DTNB: variants seen among roughly 807,000 people sequenced by gnomAD.
DTNB encodes DTN-B.
In DTNB, 63 loss-of-function variants were observed where a neutral mutation model predicts 90.7. The observed-to-expected ratio is 0.69, with a 90% confidence interval of 0.57 to 0.86. The LOEUF (loss-of-function observed/expected upper bound fraction) is 0.86. DTNB is among the 40% of genes least tolerant of loss of function. DTNB has a pLI of 0.00. For missense variants in DTNB, 744 were observed against 807.1 expected, an observed-to-expected ratio of 0.92 and a Z score of 0.95; for synonymous variants, 277 against 286.7, an observed-to-expected ratio of 0.97 and a Z score of 0.34.
intron 9 of DTNB, among the ~76,000 whole-genome samples, chr2:25,511,442 C>T (rs894006882): frequency 5.3e-5 from 8 of 152,044 alleles, no homozygotes; most frequent in South Asian, 2.1e-4. Context: ...AACGATACTC[C>T]TATATCAGCC....
chr2:25,515,407 T>C (rs1194496495), intron 9 of DTNB, among the ~76,000 whole-genome samples: 1 of 152,128 alleles, frequency 6.6e-6, no homozygotes, highest in Non-Finnish European at 1.5e-5. Context: ...ACCAAGATCA[T>C]ATGGTACAGC....
rs2058547583 is a variant in DTNB, at chr2:25,563,412, C to G, written c.876+13426G>C. Among the ~76,000 whole-genome samples the G allele has an allele frequency of 2.6e-5, 4 of 152,136 alleles. No individual in the cohort carries two copies. The South Asian group carries it at 8.3e-4, about 32-fold the overall frequency. On this transcript the variant is annotated intron_variant, in intron 8 of 20. Coordinates refer to ENST00000406818, the MANE Select transcript of DTNB (RefSeq NM_021907.5). Reference sequence around the variant, plus strand: ...TTCTACTCAGTGGGTTATCTTTTTACTTTCTTGATGGCACCCTTTGAAGCA... The same window carrying G: ...TTCTACTCAGTGGGTTATCTTTTTAGTTTCTTGATGGCACCCTTTGAAGCA...
chr2:25,556,373 A>G (rs185934720), intron 8 of DTNB, among the ~76,000 whole-genome samples: 1 of 152,258 alleles, frequency 6.6e-6, no homozygotes, highest in East Asian at 1.9e-4. Context: ...AGAATCTTCA[A>G]GAGTTCTCCT....
At chr2:25,452,368 T>C (rs976391660) in intron 11 of DTNB, among the ~76,000 whole-genome samples, 2 of 152,206 alleles carry the variant, frequency 1.3e-5, no homozygotes, top group Non-Finnish European at 2.9e-5. Context: ...GATTCTGAAA[T>C]ACATGACTTC....
intron 9 of DTNB, among the ~76,000 whole-genome samples, chr2:25,523,707 C>T (rs187571338): frequency 6.6e-6 from 1 of 150,672 alleles, no homozygotes; most frequent in African/African-American, 2.4e-5. Flanking sequence ...GCACTCTGAA[C>T]ATTTCTTAAT....
At chr2:25,619,308 CG>C (rs768977066) in intron 4 of DTNB, among the ~76,000 whole-genome samples, 184 of 152,262 alleles carry the variant, frequency 1.2e-3, no homozygotes, top group Middle Eastern at 3.4e-3. Context: ...TGTAGCTAAA[CG>C]TAATAAGAGC....
chr2:25,440,770 AC>A (rs1233238256), intron 12 of DTNB, among the ~76,000 whole-genome samples: 2 of 152,224 alleles, frequency 1.3e-5, no homozygotes, highest in Non-Finnish European at 2.9e-5. Flanking sequence ...GATTTTTGAC[AC>A]ATTTGCTTCA....
intron 8 of DTNB, among the ~76,000 whole-genome samples, chr2:25,571,740 T>A (rs1343287850): frequency 1.3e-5 from 2 of 152,174 alleles, no homozygotes; most frequent in Non-Finnish European, 2.9e-5. Flanking sequence ...CCCAGCCTCC[T>A]CCATCTGAGG....
intron 15 of DTNB, chr2:25,426,777 A>G (rs1290133757): frequency 6.6e-6 from 1 of 152,146 alleles, no homozygotes; most frequent in African/African-American, 2.4e-5. Flanking sequence ...TACTGGTCCA[A>G]TTTTTCTGCA....
chr2:25,410,995 C>T (rs539512696), intron 16 of DTNB, among the ~76,000 whole-genome samples: 123 of 149,502 alleles, frequency 8.2e-4, no homozygotes, highest in Non-Finnish European at 1.6e-3. Flanking sequence ...ATATTCAGGG[C>T]AATTTGAATC....
At chr2:25,575,219 A>T (rs1432126060) in intron 8 of DTNB, among the ~76,000 whole-genome samples, 1 of 151,634 alleles carries the variant, frequency 6.6e-6, no homozygotes, top group Non-Finnish European at 1.5e-5. Flanking sequence ...CAGTGTAAAG[A>T]ATTAGACTCT....
intron 16 of DTNB, among the ~76,000 whole-genome samples, chr2:25,417,857 T>G (rs985631204): frequency 6.6e-6 from 1 of 152,172 alleles, no homozygotes; most frequent in Non-Finnish European, 1.5e-5. Flanking sequence ...ATTTGTCTAC[T>G]TGGGGGAGGT....
chr2:25,470,898 A>T (rs2062674261), intron 10 of DTNB, among the ~76,000 whole-genome samples: 1 of 152,204 alleles, frequency 6.6e-6, no homozygotes. Flanking sequence ...CACTAAAAAA[A>T]AATACACAAT....
intron 9 of DTNB, among the ~76,000 whole-genome samples, chr2:25,494,471 T>C (rs945256329): frequency 1.1e-4 from 1 of 8,906 alleles, no homozygotes; most frequent in Admixed American, 1.3e-3. Context: ...GTAAGGGGGG[T>C]GGGGGGAGGA....
At chr2:25,657,535 A>G (rs749345749) in intron 1 of DTNB, among the ~76,000 whole-genome samples, 9 of 152,144 alleles carry the variant, frequency 5.9e-5, no homozygotes, top group Admixed American at 2.6e-4. Flanking sequence ...CCTGGGCAAC[A>G]TGGCAAAAGC....
intron 12 of DTNB, among the ~76,000 whole-genome samples, chr2:25,445,438 A>G (rs2058256093): frequency 6.6e-6 from 1 of 152,252 alleles, no homozygotes; most frequent in Admixed American, 6.5e-5. Context: ...AAATCTAAAC[A>G]AACTCAAAGG....
intron 14 of DTNB, among the ~76,000 whole-genome samples, chr2:25,428,435 C>CTTT (rs1231871744): frequency 7.1e-6 from 1 of 141,172 alleles, no homozygotes; most frequent in African/African-American, 2.6e-5. Flanking sequence ...ATCCTGCTTT[C>CTTT]TTTTTTTTTT....
At chr2:25,504,834 T>C (rs1271426005) in intron 9 of DTNB, among the ~76,000 whole-genome samples, 3 of 152,164 alleles carry the variant, frequency 2.0e-5, no homozygotes, top group Admixed American at 6.5e-5. Flanking sequence ...AATCACAAAA[T>C]ACCTTTTTGC....
intron 8 of DTNB, among the ~76,000 whole-genome samples, chr2:25,552,902 G>A (rs993930356): frequency 5.7e-5 from 7 of 122,638 alleles, no homozygotes; most frequent in East Asian, 5.0e-4. Context: ...CGCCCAGGTC[G>A]GACTGCGGAC....
Sources: allele counts gnomAD v4.1 joint callset (sites outside exome capture counted in the v4.1 genomes callset), GRCh38; gene constraint gnomAD v4.1.1; transcripts MANE v1.5; gene names NCBI Gene and HGNC (gene_info 2026-07-23, HGNC 2026-07-21).